Variants in NACC2 observed in about 807,000 individuals in gnomAD.
NACC2 encodes nucleus accumbens-associated protein 2.
NACC2 carries 8 observed loss-of-function variants against 25.1 expected under a neutral mutation model. The ratio of observed to expected loss-of-function variants is 0.32; its 90% CI spans 0.19 to 0.57. NACC2 has a LOEUF of 0.57. Among genes scored for constraint, NACC2 ranks in the 20% least tolerant of loss-of-function variants. NACC2 has a pLI of 0.89. For synonymous variants in NACC2, 435 were observed against 294.7 expected (o/e 1.48, Z -4.88); for missense variants, 644 against 650.2 (o/e 0.99, Z 0.10).
At position 136,086,637 on chromosome 9, in the gene NACC2, T is replaced by G. The variant is rs1830381180; in HGVS notation, c.-60+8552A>C. Among the ~76,000 whole-genome samples, 1 of 152,168 alleles carries G rather than the reference T, an allele frequency of 6.6e-6. No homozygotes were observed. Among genetic ancestry groups the G allele is most frequent in the African/African-American group, 2.4e-5 (1 of 41,438 alleles). On this transcript the variant is annotated intron_variant, in intron 1 of 5. Coordinates refer to ENST00000277554, the MANE Select transcript of NACC2 (RefSeq NM_144653.5). The surrounding 1 kb of genome is among the most constrained non-coding windows in gnomAD (Gnocchi z 5.6). ...ACTCACCGCCTAAACTGGGTTACAA[T>G]AATTAACACGAATCCTGTTCCCAAA...
intron 1 of NACC2, among the ~76,000 whole-genome samples, chr9:136,093,664 C>T (rs544796419): frequency 1.3e-5 from 2 of 152,348 alleles, no homozygotes; most frequent in South Asian, 4.1e-4. Context: ...TTTATTTCCT[C>T]CCCTTGGACT....
At chr9:136,059,983 C>A (rs1306704554) in intron 1 of NACC2, among the ~76,000 whole-genome samples, 1 of 152,220 alleles carries the variant, frequency 6.6e-6, no homozygotes, top group Non-Finnish European at 1.5e-5. Flanking sequence ...CCTCGGGGGA[C>A]CTGCAGGAGG....
intron 1 of NACC2, among the ~76,000 whole-genome samples, chr9:136,088,878 T>C (rs1830406029): frequency 6.6e-6 from 1 of 152,186 alleles, no homozygotes; most frequent in Non-Finnish European, 1.5e-5. Flanking sequence ...GCCCCCGGCA[T>C]CCTGGGGGAA....
Position 136,050,527 on chromosome 9 carries a change from G to A in NACC2, c.-6C>T. The A allele has an allele frequency of 1.3e-6, 1 of 758,372 alleles. No homozygotes were observed. Among genetic ancestry groups the A allele is most frequent in the Non-Finnish European group, 2.4e-6 (1 of 415,622 alleles). The allele number at this position is 758,372 out of a possible 1,614,324, so 47.0% of individuals were successfully genotyped here. ...ATGTGCAGCATCTGAGACATGGCGG[G>A]CGGGCAGCGGCGGGGCTGGGCTCTC... On this transcript the variant is annotated 5_prime_UTR_variant, in exon 2 of 6. Coordinates refer to ENST00000277554, the MANE Select transcript of NACC2 (RefSeq NM_144653.5).
chr9:136,093,873 G>C (rs1043349557), intron 1 of NACC2, among the ~76,000 whole-genome samples: 2 of 152,214 alleles, frequency 1.3e-5, no homozygotes, highest in African/African-American at 2.4e-5. Context: ...GCCCCTGCTG[G>C]GGGGTGCTAC....
chr9:136,092,127 C>T (rs957860502), intron 1 of NACC2, among the ~76,000 whole-genome samples: 1 of 152,188 alleles, frequency 6.6e-6, no homozygotes, highest in Non-Finnish European at 1.5e-5. Context: ...AGTAGAGAAA[C>T]GCTGGCCAAG....
chr9:136,086,785 C>T lies in NACC2; in HGVS notation c.-60+8404G>A, dbSNP rs1024431480. On this transcript the variant is annotated intron_variant, in intron 1 of 5. Coordinates refer to ENST00000277554, the MANE Select transcript of NACC2 (RefSeq NM_144653.5). The surrounding 1 kb of genome is among the most constrained non-coding windows in gnomAD (Gnocchi z 5.6). Reference sequence around the variant, plus strand: ...GAGCTGGCCAGCTGCACTGGTTTCACGCCCATCCAGGTGCCATCCCAGCAG... The same window carrying T: ...GAGCTGGCCAGCTGCACTGGTTTCATGCCCATCCAGGTGCCATCCCAGCAG... 4.6e-5 allele frequency among the ~76,000 whole-genome samples: 7 copies of T among 152,162 alleles called. No homozygotes were observed. The highest frequency in any genetic ancestry group is 3.3e-4 in the Admixed American group (5 of 15,280).
intron 2 of NACC2, among the ~76,000 whole-genome samples, chr9:136,048,934 C>G (rs926270404): frequency 6.6e-6 from 1 of 152,244 alleles, no homozygotes; most frequent in South Asian, 2.1e-4. Flanking sequence ...TGCACACAGG[C>G]CCTGCATGCA....
chr9:136,042,945 GACAC>G (rs1332897945), intron 2 of NACC2, among the ~76,000 whole-genome samples: 2 of 142,184 alleles, frequency 1.4e-5, no homozygotes, highest in Non-Finnish European at 3.1e-5. Flanking sequence ...GAGACAGACA[GACAC>G]ACACAGACAC....
chr9:136,014,544 C>T (rs911636731), intron 3 of NACC2, among the ~76,000 whole-genome samples: 1 of 152,214 alleles, frequency 6.6e-6, no homozygotes, highest in Non-Finnish European at 1.5e-5. Flanking sequence ...CCACTTCGGC[C>T]TCCCAAAGTG....
intron 1 of NACC2, among the ~76,000 whole-genome samples, chr9:136,088,777 C>T (rs1830404950): frequency 6.6e-6 from 1 of 152,178 alleles, no homozygotes. Context: ...AGGGCTCAGG[C>T]CTGGGCGTGG....
At chr9:136,029,077 A>C (rs1323464727) in intron 2 of NACC2, among the ~76,000 whole-genome samples, 1 of 152,098 alleles carries the variant, frequency 6.6e-6, no homozygotes, top group African/African-American at 2.4e-5. Flanking sequence ...GGTAAGCCCT[A>C]CCTTCAAGCC....
At chr9:136,031,915 C>T (rs956683365) in intron 2 of NACC2, among the ~76,000 whole-genome samples, 3 of 145,264 alleles carry the variant, frequency 2.1e-5, no homozygotes, top group African/African-American at 8.6e-5. Context: ...TCTGCACCAA[C>T]ACCCACAGCT....
At chr9:136,068,232 T>C (rs1841110510) in intron 1 of NACC2, among the ~76,000 whole-genome samples, 1 of 152,156 alleles carries the variant, frequency 6.6e-6, no homozygotes, top group Non-Finnish European at 1.5e-5. Context: ...GCGCAGTAGC[T>C]CATGCCTGTA....
In NACC2 at chr9:136,049,772, G is replaced by A. The variant is rs1429196932; in HGVS notation, c.750C>T (p.Gly250=). 1.2e-5 allele frequency: 9 copies of A among 775,314 alleles called. No homozygotes were observed. The highest frequency in any genetic ancestry group is 7.3e-5 in the East Asian group (3 of 41,082). 48.0% of individuals were successfully genotyped at this position (775,314 alleles called of 1,614,324 possible). The change falls in exon 2 of 6, where the codon GGC becomes GGT. Residue 250 remains glycine, a synonymous_variant. Transcript: ENST00000277554. ...TGTCGGTGGTGGGCAGGCTGCTGGC[G>A]CCTGGACTGGTCCGCTCCCCCTGGG... ...PYPQGERTSP[G]ASSLPTTDSP...
chr9:136,042,576 T>C (rs1840650164), intron 2 of NACC2, among the ~76,000 whole-genome samples: 1 of 151,994 alleles, frequency 6.6e-6, no homozygotes. Flanking sequence ...GAGCCCAACA[T>C]GAACCATCCA....
chr9:136,041,921 C>T (rs1724020308), intron 2 of NACC2, among the ~76,000 whole-genome samples: 3 of 152,204 alleles, frequency 2.0e-5, no homozygotes, highest in Admixed American at 2.0e-4. Context: ...AGAATCAGTG[C>T]AACATCGATC....
At chr9:136,045,545 G>A (rs1020926592) in intron 2 of NACC2, among the ~76,000 whole-genome samples, 42 of 152,338 alleles carry the variant, frequency 2.8e-4, no homozygotes, top group African/African-American at 8.4e-4. Context: ...GGATGGCCGG[G>A]CGAGCCCCAT....
intron 1 of NACC2, among the ~76,000 whole-genome samples, chr9:136,067,208 C>A (rs895167283): frequency 3.4e-5 from 5 of 148,402 alleles, no homozygotes; most frequent in Non-Finnish European, 7.4e-5. Flanking sequence ...GAGCCAAGAT[C>A]GCACCAAGAT....
Sources: gnomAD v4.1 joint callset for allele counts (sites outside exome capture counted in the v4.1 genomes callset) on GRCh38, gnomAD v4.1.1 for gene constraint, Gnocchi (gnomAD v3.1) non-coding constraint, MANE v1.5 for transcripts, NCBI Gene and HGNC (gene_info 2026-07-23, HGNC 2026-07-21) for gene names.